Variants in SHANK2 observed in about 807,000 individuals in gnomAD.
The protein encoded by SHANK2 is SH3 and multiple ankyrin repeat domains protein 2.
In SHANK2, 43 loss-of-function variants were observed where a neutral mutation model predicts 133.7. The observed-to-expected ratio is 0.32, with a 90% CI of 0.25 to 0.41. The LOEUF (loss-of-function observed/expected upper bound fraction) is 0.41. Among genes scored for constraint, SHANK2 ranks in the 10% least tolerant of loss-of-function variants. SHANK2 has a pLI of 1.00. For synonymous variants in SHANK2, 1,017 were observed against 952.8 expected, an observed-to-expected ratio of 1.07 and a Z score of -1.24; for missense variants, 1,994 against 2,235.8, an observed-to-expected ratio of 0.89 and a Z score of 2.18.
chr11:70,578,384 C>G (rs572871535), intron 17 of SHANK2, among the ~76,000 whole-genome samples: 1 of 152,188 alleles, frequency 6.6e-6, no homozygotes, highest in Non-Finnish European at 1.5e-5. Flanking sequence ...TGGCACCTTC[C>G]CTGCTCACCT....
intron 6 of SHANK2, among the ~76,000 whole-genome samples, chr11:71,103,278 T>C (rs1185900477): frequency 6.6e-6 from 1 of 152,202 alleles, no homozygotes; most frequent in Non-Finnish European, 1.5e-5. Flanking sequence ...CAAGGCCCTG[T>C]GTGCTGCTGG....
chr11:70,573,735 C>T (rs750303534), intron 17 of SHANK2, among the ~76,000 whole-genome samples: 15 of 152,278 alleles, frequency 9.9e-5, no homozygotes, highest in Middle Eastern at 3.4e-3. Context: ...GGAAACGGGG[C>T]GCCAGCCGAT....
chr11:70,814,294 A>T (rs1948341738), intron 12 of SHANK2, among the ~76,000 whole-genome samples: 1 of 151,600 alleles, frequency 6.6e-6, no homozygotes, highest in Non-Finnish European at 1.5e-5. Context: ...ACTGCACTCC[A>T]GCCTGGGTGA....
At chr11:70,748,737 G>A (rs782204060) in intron 14 of SHANK2, among the ~76,000 whole-genome samples, 6 of 152,140 alleles carry the variant, frequency 3.9e-5, no homozygotes, top group Non-Finnish European at 7.3e-5. Context: ...CAACACAACC[G>A]TCTGCATCTC....
At chr11:70,824,487 C>T (rs1252494061) in intron 11 of SHANK2, among the ~76,000 whole-genome samples, 5 of 152,152 alleles carry the variant, frequency 3.3e-5, no homozygotes, top group South Asian at 2.1e-4. Context: ...GATCCATGAA[C>T]GCCACCCAGG....
intron 10 of SHANK2, among the ~76,000 whole-genome samples, chr11:70,926,809 T>C (rs1367526117): frequency 6.6e-6 from 1 of 152,202 alleles, no homozygotes; most frequent in Non-Finnish European, 1.5e-5. Flanking sequence ...AGCTTTTATA[T>C]TTCAGTGTTA....
intron 2 of SHANK2, among the ~76,000 whole-genome samples, chr11:71,214,318 A>G (rs1471847263): frequency 6.6e-6 from 1 of 152,212 alleles, no homozygotes; most frequent in African/African-American, 2.4e-5. Flanking sequence ...CAAGGAAGAC[A>G]GTTTCCACGC....
At chr11:71,246,596 C>T (rs1954964246) in intron 1 of SHANK2, among the ~76,000 whole-genome samples, 1 of 152,166 alleles carries the variant, frequency 6.6e-6, no homozygotes, top group Non-Finnish European at 1.5e-5. Context: ...ACCCTTTCCA[C>T]GTAGACCCAG....
intron 17 of SHANK2, among the ~76,000 whole-genome samples, chr11:70,540,496 G>T (rs2059606498): frequency 2.0e-5 from 3 of 152,064 alleles, no homozygotes; most frequent in Admixed American, 2.0e-4. Context: ...GAGCCTGGGA[G>T]TCTCATGTCC....
intron 2 of SHANK2, among the ~76,000 whole-genome samples, chr11:71,204,543 A>G (rs2135651151): frequency 6.6e-6 from 1 of 152,266 alleles, no homozygotes; most frequent in East Asian, 1.9e-4. Flanking sequence ...GGCTGCGGCA[A>G]GGGACTCCCC....
At chr11:70,572,586 C>T (rs2060059160) in intron 17 of SHANK2, among the ~76,000 whole-genome samples, 1 of 152,114 alleles carries the variant, frequency 6.6e-6, no homozygotes, top group South Asian at 2.1e-4. Flanking sequence ...AGAGAAAGCC[C>T]CTCTGTTCCC....
At chr11:70,902,363 C>A (rs1468721634) in intron 10 of SHANK2, among the ~76,000 whole-genome samples, 1 of 152,204 alleles carries the variant, frequency 6.6e-6, no homozygotes, top group Non-Finnish European at 1.5e-5. Flanking sequence ...AGGGGCGGGG[C>A]CTCCAGGGAA....
intron 3 of SHANK2, among the ~76,000 whole-genome samples, chr11:71,136,191 G>A (rs1441155926): frequency 6.6e-6 from 1 of 152,168 alleles, no homozygotes; most frequent in Non-Finnish European, 1.5e-5. Context: ...AGGCTCAACA[G>A]GGCTCTGCTA....
At chr11:70,594,312 C>T (rs893991366) in intron 17 of SHANK2, among the ~76,000 whole-genome samples, 1 of 152,162 alleles carries the variant, frequency 6.6e-6, no homozygotes, top group African/African-American at 2.4e-5. Flanking sequence ...CACGGTTGCC[C>T]TTGGTGCACT....
In SHANK2 at chr11:70,490,279, T is replaced by C. The variant is rs1591494187; in HGVS notation, c.2548A>G (p.Ile850Val). The change falls in exon 23 of 26, where the codon ATA becomes GTA. Residue 850 changes from isoleucine (I) to valine (V), a missense_variant. Coordinates refer to ENST00000601538, the MANE Select transcript of SHANK2 (RefSeq NM_012309.5). ...PRGTMRRQKS[I>V]DSRIFLSGIT... The stretch of plus-strand genomic sequence containing the variant: ...GGGGGAGTGCCACACTTCTTACCTA[T>C]TGATTTCTGCCTTCGCATCGTACCT... 1 of 1,613,812 alleles carries C rather than the reference T, an allele frequency of 6.2e-7. No individual in the cohort carries two copies. The highest frequency in any genetic ancestry group is 8.5e-7 in the Non-Finnish European group (1 of 1,179,664).
chr11:71,100,860 C>A (rs1207390327), intron 6 of SHANK2, among the ~76,000 whole-genome samples: 3 of 133,782 alleles, frequency 2.2e-5, no homozygotes, highest in African/African-American at 8.7e-5. Flanking sequence ...CAGCAAGACT[C>A]CGTCTCAAAA....
rs541303875 is a variant in SHANK2, at chr11:70,912,616, C to A, written c.1108-16049G>T. 3.3e-5 allele frequency among the ~76,000 whole-genome samples: 5 copies of A among 152,304 alleles called. No homozygotes were observed. The East Asian group carries it at 9.7e-4, about 29-fold the overall frequency. On this transcript the variant is annotated intron_variant, in intron 10 of 25. Transcript: ENST00000601538. ...TGGAACTGTAAGTCCACATGCTAAACCATGATGATGCATCGTGCACCACGA... is the reference window on the plus strand; with the variant it reads ...TGGAACTGTAAGTCCACATGCTAAAACATGATGATGCATCGTGCACCACGA...
At chr11:70,597,625 C>T (rs1468306087) in intron 17 of SHANK2, among the ~76,000 whole-genome samples, 1 of 152,162 alleles carries the variant, frequency 6.6e-6, no homozygotes, top group East Asian at 1.9e-4. Flanking sequence ...GTAATCCCAG[C>T]ACTTTGGGAG....
chr11:70,538,312 G>T (rs537757111), intron 17 of SHANK2, among the ~76,000 whole-genome samples: 1 of 152,234 alleles, frequency 6.6e-6, no homozygotes. Flanking sequence ...ACAGTGACCC[G>T]GAGGGACCAG....
Sources: gnomAD v4.1 joint callset for allele counts (sites outside exome capture counted in the v4.1 genomes callset) on GRCh38, gnomAD v4.1.1 for gene constraint, MANE v1.5 for transcripts, NCBI Gene and HGNC (gene_info 2026-07-23, HGNC 2026-07-21) for gene names.